Variants in CSMD2 observed in about 807,000 individuals in gnomAD.
The protein encoded by CSMD2 is CUB and Sushi multiple domains 2.
Under a neutral mutation model 398.5 loss-of-function variants are expected in CSMD2, and 130 were observed. The observed-to-expected ratio is 0.33, with a 90% CI of 0.28 to 0.38. The LOEUF is 0.38. CSMD2 is among the 10% of genes least tolerant of loss of function. The pLI is 1.00. For synonymous variants in CSMD2, 1,828 were observed against 1,908.5 expected (o/e 0.96, Z 1.10); for missense variants, 3,829 against 4,764.9 (o/e 0.80, Z 5.78).
intron 29 of CSMD2, among the ~76,000 whole-genome samples, chr1:33,638,917 T>C (rs1032575609): frequency 6.6e-6 from 1 of 152,228 alleles, no homozygotes; most frequent in African/African-American, 2.4e-5. Flanking sequence ...CTTCCTCCAC[T>C]AGAATATAGA....
intron 2 of CSMD2, among the ~76,000 whole-genome samples, chr1:34,040,854 G>A (rs1651765864): frequency 6.6e-6 from 1 of 152,216 alleles, no homozygotes; most frequent in Middle Eastern, 3.2e-3. Flanking sequence ...GCTGTGTGCA[G>A]TAGCTTGTGC....
At chr1:34,003,843 T>C (rs552937490) in intron 3 of CSMD2, among the ~76,000 whole-genome samples, 86 of 152,328 alleles carry the variant, frequency 5.6e-4, no homozygotes, top group South Asian at 1.0e-3. Flanking sequence ...GAGCTTTAGA[T>C]GGAAGAAGTC....
Position 33,519,730 on chromosome 1 carries a change from C to T in CSMD2, c.10737-53G>A, listed in dbSNP as rs1456363482. 1 of 1,613,280 alleles carries T rather than the reference C, an allele frequency of 6.2e-7. No individual in the cohort carries two copies. Among genetic ancestry groups the T allele is most frequent in the African/African-American group, 1.3e-5 (1 of 74,854 alleles). ...GCATGAAAAGAGCGACACAGAGAGG[C>T]TTAGGGGTCTGGTGCGGGGGGCCCT... On this transcript the variant is annotated intron_variant, in intron 69 of 70. Coordinates refer to ENST00000373381, the MANE Select transcript of CSMD2 (RefSeq NM_001281956.2). This position sits in a 1 kb window ranked among gnomAD's most constrained non-coding sequence, Gnocchi z 5.6.
At chr1:34,103,068 T>C (rs907802885) in intron 1 of CSMD2, among the ~76,000 whole-genome samples, 1 of 152,108 alleles carries the variant, frequency 6.6e-6, no homozygotes, top group African/African-American at 2.4e-5. Context: ...TGAATATTAA[T>C]TGCCCACCTA....
intron 1 of CSMD2, among the ~76,000 whole-genome samples, chr1:34,156,630 G>T (rs1640829872): frequency 6.6e-6 from 1 of 152,078 alleles, no homozygotes; most frequent in South Asian, 2.1e-4. Flanking sequence ...CACTTAATTG[G>T]TATAAATTAG....
intron 3 of CSMD2, among the ~76,000 whole-genome samples, chr1:33,986,408 G>A (rs1235696307): frequency 2.0e-5 from 3 of 152,152 alleles, no homozygotes; most frequent in Non-Finnish European, 2.9e-5. Flanking sequence ...TCCTCACATT[G>A]CCCCTAGAAG....
chr1:33,613,165 G>A (rs1028200711), intron 40 of CSMD2, among the ~76,000 whole-genome samples: 1 of 152,208 alleles, frequency 6.6e-6, no homozygotes, highest in African/African-American at 2.4e-5. Context: ...GAAAGCAAGG[G>A]ATCCCGGGCC....
rs543597412 is a variant in CSMD2 at position 34,141,102 on chromosome 1, C to A, written c.187+23809G>T. On this transcript the variant is annotated intron_variant, in intron 1 of 70. Transcript: ENST00000373381. ...CTCCCCTGAAAACTACCTGCTCCAC[C>A]TTTTAAGTCCCATCTCAAATGTCAC... 2.6e-5 allele frequency among the ~76,000 whole-genome samples: 4 copies of A among 152,214 alleles called. No individual in the cohort carries two copies. The East Asian group carries it at 7.7e-4, about 29-fold the overall frequency.
In CSMD2 at chr1:33,874,029, A is replaced by C. The variant is rs115462115; in HGVS notation, c.921-27033T>G. 8.7e-4 allele frequency among the ~76,000 whole-genome samples: 132 copies of C among 152,306 alleles called. 1 individual carries two copies. Among genetic ancestry groups the C allele is most frequent in the African/African-American group, 2.9e-3 (122 of 41,564 alleles). On this transcript the variant is annotated intron_variant, in intron 5 of 70. Transcript: ENST00000373381. ...TCTAGGAAGCTGTCTTTGATGCTCC[A>C]ACTCCCTTGTGTGTTCCCATAATAG...
At chr1:34,092,590 A>G (rs1031041540) in intron 1 of CSMD2, among the ~76,000 whole-genome samples, 2 of 152,174 alleles carry the variant, frequency 1.3e-5, no homozygotes, top group Admixed American at 1.3e-4. Flanking sequence ...GCATTGCCTC[A>G]CTCGGGACGT....
chr1:34,080,771 A>G (rs1390235827), intron 2 of CSMD2, among the ~76,000 whole-genome samples: 1 of 152,116 alleles, frequency 6.6e-6, no homozygotes, highest in East Asian at 1.9e-4. Context: ...AAAGAACAAT[A>G]TTAGCCTAAG....
intron 19 of CSMD2, among the ~76,000 whole-genome samples, chr1:33,718,396 G>A (rs576395417): frequency 2.0e-4 from 30 of 152,344 alleles, no homozygotes; most frequent in African/African-American, 6.7e-4. Context: ...CCCCATGTCG[G>A]AGCTTGAATC....
At chr1:33,517,511 C>G (rs1009797957) in intron 70 of CSMD2, among the ~76,000 whole-genome samples, 1 of 152,246 alleles carries the variant, frequency 6.6e-6, no homozygotes, top group Non-Finnish European at 1.5e-5. Flanking sequence ...CACTGATCAT[C>G]TCCAAGCCCC....
chr1:33,918,316 A>G lies in CSMD2; in HGVS notation c.713-15T>C, dbSNP rs1186835775. The G allele has an allele frequency of 1.4e-5, 23 of 1,612,314 alleles. No homozygotes were observed. The highest frequency in any genetic ancestry group is 1.9e-5 in the Non-Finnish European group (22 of 1,179,280). Reference sequence around the variant, plus strand: ...GGCATCATCAGCTGTGGGCACAGAGAGAAGAGGCTTACATGAGTAGTCTGG... The same window carrying G: ...GGCATCATCAGCTGTGGGCACAGAGGGAAGAGGCTTACATGAGTAGTCTGG... On this transcript the variant is annotated splice_polypyrimidine_tract_variant and intron_variant, in intron 4 of 70. Coordinates refer to ENST00000373381, the MANE Select transcript of CSMD2 (RefSeq NM_001281956.2).
chr1:34,137,096 CA>C (rs1638828765), intron 1 of CSMD2, among the ~76,000 whole-genome samples: 1 of 152,068 alleles, frequency 6.6e-6, no homozygotes, highest in African/African-American at 2.4e-5. Flanking sequence ...TCATTGATCC[CA>C]AATACCCATC....
At chr1:33,726,520 C>A (rs376315258) in intron 16 of CSMD2, 27 bp downstream of exon 16, 166 of 1,588,366 alleles carry the variant, frequency 1.0e-4, no homozygotes, top group Non-Finnish European at 1.4e-4. Context: ...CCCTTGCCCT[C>A]TCCCCCAAGG....
chr1:33,686,905 T>C (rs1342414271), intron 25 of CSMD2, among the ~76,000 whole-genome samples: 1 of 152,200 alleles, frequency 6.6e-6, no homozygotes, highest in Admixed American at 6.5e-5. Context: ...TCTGTTTGGG[T>C]AAAATGAACA....
chr1:33,625,127 C>G lies in CSMD2; in HGVS notation c.5424G>C (p.Gln1808His). 1 of 1,614,172 alleles carries G rather than the reference C, an allele frequency of 6.2e-7. No individual in the cohort carries two copies. Among genetic ancestry groups the G allele is most frequent in the East Asian group, 2.2e-5 (1 of 44,866 alleles). ...RFECNSGYAL[Q>H]GSPEIECLPV... Reference sequence around the variant, plus strand: ...GGAGGCACTCGATCTCTGGCGACCCCTGCAGGGCATAGCCGGAGTTGCATT... The same window carrying G: ...GGAGGCACTCGATCTCTGGCGACCCGTGCAGGGCATAGCCGGAGTTGCATT... The change falls in exon 34 of 71, where the codon CAG becomes CAC. Residue 1808 changes from glutamine (Q) to histidine (H), a missense_variant. Gln to His is a conservative substitution (Grantham distance 24, BLOSUM62 0). Coordinates refer to ENST00000373381, the MANE Select transcript of CSMD2 (RefSeq NM_001281956.2).
intron 5 of CSMD2, among the ~76,000 whole-genome samples, chr1:33,912,661 T>C (rs1643515368): frequency 6.6e-6 from 1 of 152,112 alleles, no homozygotes; most frequent in South Asian, 2.1e-4. Context: ...CCTGAATGCC[T>C]TCTCCATACT....
Sources: allele counts gnomAD v4.1 joint callset (sites outside exome capture counted in the v4.1 genomes callset), GRCh38; gene constraint gnomAD v4.1.1; non-coding constraint Gnocchi (gnomAD v3.1); transcripts MANE v1.5; gene names NCBI Gene and HGNC (gene_info 2026-07-23, HGNC 2026-07-21).